The following AMOTL1 variants were observed in gnomAD, a reference collection of about 807,000 sequenced individuals.
The protein encoded by AMOTL1 is angiomotin-like protein 1.
AMOTL1 carries 45 observed loss-of-function variants against 102.9 expected under a neutral mutation model. The observed-to-expected ratio is 0.44, with a 90% CI of 0.34 to 0.56. The LOEUF (loss-of-function observed/expected upper bound fraction) is 0.56. AMOTL1 is among the 20% of genes least tolerant of loss of function. The probability of loss-of-function intolerance (pLI) is 0.01; values close to 1 mark genes in which losing one functional copy is unlikely to be tolerated. For missense variants in AMOTL1, 1,114 were observed against 1,225.6 expected, an observed-to-expected ratio of 0.91 and a Z score of 1.36; for synonymous variants, 481 against 484.7, an observed-to-expected ratio of 0.99 and a Z score of 0.10.
At chr11:94,823,028 T>TG (rs148285108) in intron 4 of AMOTL1, among the ~76,000 whole-genome samples, 6,434 of 152,270 alleles carry the variant, frequency 0.042, 461 homozygotes, top group African/African-American at 0.15. Flanking sequence ...GTTGTCACTT[T>TG]GGCTCTATGT....
chr11:94,751,095 A>G (rs1315945564), intron 3 of AMOTL1, among the ~76,000 whole-genome samples: 1 of 152,102 alleles, frequency 6.6e-6, no homozygotes, highest in East Asian at 1.9e-4. Flanking sequence ...GTCTCCTCCT[A>G]GGGAGACTGT....
In AMOTL1 at chr11:94,875,632, G is replaced by A. The variant is rs1953082165; in HGVS notation, c.*4837G>A. ...TAGAGATGAGAAATCCTCCTCCTTT[G>A]AGGATGGATTTAAGTTCTGGAAATA... On this transcript the variant is annotated 3_prime_UTR_variant, in exon 13 of 13. Coordinates refer to ENST00000433060, the MANE Select transcript of AMOTL1 (RefSeq NM_130847.3). 6.6e-6 allele frequency: 1 copy of A among 152,200 alleles called. No homozygotes were observed. Among genetic ancestry groups the A allele is most frequent in the Non-Finnish European group, 1.5e-5 (1 of 68,034 alleles). 9.4% of individuals were successfully genotyped at this position (152,200 alleles called of 1,614,324 possible).
intron 3 of AMOTL1, among the ~76,000 whole-genome samples, chr11:94,751,765 A>G (rs1950657864): frequency 1.3e-5 from 2 of 148,824 alleles, no homozygotes; most frequent in South Asian, 4.3e-4. Flanking sequence ...ATATGCTCAC[A>G]TGCATTCACA....
intron 3 of AMOTL1, among the ~76,000 whole-genome samples, chr11:94,805,691 G>A (rs953651904): frequency 6.6e-6 from 1 of 152,314 alleles, no homozygotes; most frequent in South Asian, 2.1e-4. Flanking sequence ...CCGGGAAGTG[G>A]AGAGAAGAGT....
At chr11:94,717,610 G>C (rs562618169) in intron 1 of AMOTL1, among the ~76,000 whole-genome samples, 2 of 151,748 alleles carry the variant, frequency 1.3e-5, no homozygotes, top group South Asian at 2.1e-4. Context: ...TTTTAAATTG[G>C]TAAGTTATTT....
chr11:94,775,486 C>T, intron 1 of AMOTL1, among the ~76,000 whole-genome samples: 1 of 147,850 alleles, frequency 6.8e-6, no homozygotes, highest in Non-Finnish European at 1.5e-5. Context: ...AACTCTGTGA[C>T]TTTTTTTTTT....
chr11:94,725,450 C>T (rs1950241870), intron 1 of AMOTL1, among the ~76,000 whole-genome samples: 1 of 152,180 alleles, frequency 6.6e-6, no homozygotes. Context: ...CATATTCATT[C>T]ATTCAGCAAA....
At chr11:94,739,632 T>C (rs1950487949) in intron 2 of AMOTL1, among the ~76,000 whole-genome samples, 1 of 152,190 alleles carries the variant, frequency 6.6e-6, no homozygotes, top group Admixed American at 6.5e-5. Flanking sequence ...CCCAGGAGGC[T>C]GCCCAGACTG....
At position 94,864,872 on chromosome 11, in the gene AMOTL1, C is replaced by T. The variant is rs1243272053; in HGVS notation, c.2261+12C>T. ...GACATGGAATACACGTAAGGGACGA[C>T]TATGTGTGACGTGTGGGGCCCGCTG... On this transcript the variant is annotated intron_variant, in intron 10 of 12. Coordinates refer to ENST00000433060, the MANE Select transcript of AMOTL1 (RefSeq NM_130847.3). The T allele has an allele frequency of 1.2e-6, 2 of 1,610,776 alleles. No homozygotes were observed. The highest frequency in any genetic ancestry group is 3.3e-4 in the Middle Eastern group (2 of 6,046).
At chr11:94,840,337 T>A (rs1291728162) in intron 6 of AMOTL1, among the ~76,000 whole-genome samples, 1 of 152,164 alleles carries the variant, frequency 6.6e-6, no homozygotes, top group Non-Finnish European at 1.5e-5. Flanking sequence ...TCCAGAAAAT[T>A]TGGTCGTAGA....
chr11:94,849,948 A>G (rs753443165), intron 6 of AMOTL1, among the ~76,000 whole-genome samples, 166 bp from the exon 7 acceptor site: 28 of 152,170 alleles, frequency 1.8e-4, no homozygotes, highest in Admixed American at 8.5e-4. Context: ...TGAGAAAACC[A>G]TTACCTTCCA....
intron 4 of AMOTL1, among the ~76,000 whole-genome samples, chr11:94,822,192 A>G (rs539785881): frequency 2.0e-5 from 3 of 152,222 alleles, no homozygotes; most frequent in African/African-American, 7.2e-5. Flanking sequence ...CCATGCCTAT[A>G]ATCCCAGCAC....
chr11:94,849,978 G>C, intron 6 of AMOTL1, 136 bp from the exon 7 acceptor site: 2 of 1,110,546 alleles, frequency 1.8e-6, no homozygotes, highest in Non-Finnish European at 2.5e-6. Context: ...TATGAAAAGG[G>C]AGCAGAAACA....
chr11:94,747,671 A>C (rs762201214), intron 3 of AMOTL1, among the ~76,000 whole-genome samples: 7 of 152,190 alleles, frequency 4.6e-5, no homozygotes, highest in Non-Finnish European at 8.8e-5. Context: ...GGCTTAACAC[A>C]AGGAAGACTG....
At chr11:94,783,498 A>C (rs750968066) in intron 1 of AMOTL1, among the ~76,000 whole-genome samples, 1 of 152,216 alleles carries the variant, frequency 6.6e-6, no homozygotes. Context: ...ATATGTGTGT[A>C]CAACCTTCTA....
Position 94,873,537 on chromosome 11 carries a change from G to T in AMOTL1, c.*2742G>T, listed in dbSNP as rs1953041476. 6.6e-6 allele frequency: 1 copy of T among 152,132 alleles called. No individual in the cohort carries two copies. Among genetic ancestry groups the T allele is most frequent in the Non-Finnish European group, 1.5e-5 (1 of 68,030 alleles). The allele number at this position is 152,132 out of a possible 1,614,324, so 9.4% of individuals were successfully genotyped here. ...CAGTGTGGTAAATACCTTTTAATTA[G>T]TCCTCCACCCACCTGGAGTACAGGG... On this transcript the variant is annotated 3_prime_UTR_variant, in exon 13 of 13. Coordinates refer to ENST00000433060, the MANE Select transcript of AMOTL1 (RefSeq NM_130847.3).
intron 6 of AMOTL1, among the ~76,000 whole-genome samples, chr11:94,840,571 A>ATGATTTC: frequency 6.6e-6 from 1 of 150,838 alleles, no homozygotes; most frequent in African/African-American, 2.4e-5. Context: ...GCCGGATGTA[A>ATGATTTC]TGATTTCCCC....
At chr11:94,779,267 G>A (rs1951072903) in intron 1 of AMOTL1, among the ~76,000 whole-genome samples, 1 of 152,104 alleles carries the variant, frequency 6.6e-6, no homozygotes, top group Non-Finnish European at 1.5e-5. Flanking sequence ...AAATATTTTT[G>A]GTGGTGGTTT....
At chr11:94,816,702 T>C (rs1362703008) in intron 3 of AMOTL1, among the ~76,000 whole-genome samples, 1 of 152,226 alleles carries the variant, frequency 6.6e-6, no homozygotes, top group Non-Finnish European at 1.5e-5. Context: ...GAGCTTTGAC[T>C]TCTGGGGCTA....
Sources: allele counts gnomAD v4.1 joint callset (sites outside exome capture counted in the v4.1 genomes callset), GRCh38; gene constraint gnomAD v4.1.1; transcripts MANE v1.5; gene names NCBI Gene and HGNC (gene_info 2026-07-23, HGNC 2026-07-21).